TCF12: variants seen among roughly 807,000 people sequenced by gnomAD.
TCF12 encodes the protein DNA-binding protein HTF4.
Under a neutral mutation model 86.0 loss-of-function variants are expected in TCF12, and 45 were observed. That is an observed-to-expected ratio of 0.52 (90% CI 0.41 to 0.67). The LOEUF is 0.67. TCF12 is among the 30% of genes least tolerant of loss of function. The probability of loss-of-function intolerance (pLI) is 0.00; values close to 1 mark genes in which losing one functional copy is unlikely to be tolerated. For synonymous variants in TCF12, 330 were observed against 299.6 expected, an observed-to-expected ratio of 1.10 and a Z score of -1.05; for missense variants, 881 against 859.9, an observed-to-expected ratio of 1.02 and a Z score of -0.31.
At chr15:56,937,751 A>T (rs1214241081) in intron 3 of TCF12, among the ~76,000 whole-genome samples, 1 of 152,156 alleles carries the variant, frequency 6.6e-6, no homozygotes, top group African/African-American at 2.4e-5. Context: ...GATTTTAATC[A>T]TAAAAGAATG....
At chr15:56,958,866 TAAATAAGTAAAATA>T (rs1443008270) in intron 3 of TCF12, among the ~76,000 whole-genome samples, 1 of 151,898 alleles carries the variant, frequency 6.6e-6, no homozygotes, top group Admixed American at 6.6e-5. Context: ...ACCAAATAAA[TAAATAAGTAAAATA>T]AAATAAATTC....
chr15:57,224,594 C>T (rs1002088220), intron 8 of TCF12, among the ~76,000 whole-genome samples: 6 of 152,040 alleles, frequency 3.9e-5, no homozygotes, highest in African/African-American at 1.2e-4. Flanking sequence ...TGTATGAAAA[C>T]TAGAATTCAT....
chr15:56,948,968 C>G (rs529303264), intron 3 of TCF12, among the ~76,000 whole-genome samples: 2 of 151,716 alleles, frequency 1.3e-5, no homozygotes, highest in Admixed American at 1.3e-4. Flanking sequence ...CATGATTTCT[C>G]TTGATTCCAG....
chr15:56,967,716 G>A (rs2062073463), intron 3 of TCF12, among the ~76,000 whole-genome samples: 1 of 152,164 alleles, frequency 6.6e-6, no homozygotes, highest in Non-Finnish European at 1.5e-5. Context: ...GGATGGAGGG[G>A]CTGGGGTTGT....
At chr15:57,163,342 T>G (rs1322306172) in intron 5 of TCF12, among the ~76,000 whole-genome samples, 1 of 152,208 alleles carries the variant, frequency 6.6e-6, no homozygotes, top group Non-Finnish European at 1.5e-5. Flanking sequence ...CTAATTGACG[T>G]AGAAGTTTTA....
At chr15:57,053,580 C>T (rs183138221) in intron 3 of TCF12, among the ~76,000 whole-genome samples, 47 of 151,298 alleles carry the variant, frequency 3.1e-4, no homozygotes, top group Non-Finnish European at 6.5e-4. Flanking sequence ...GATCAGGCAC[C>T]GCAGAACAGA....
chr15:57,157,689 A>C (rs1364558162), intron 5 of TCF12, among the ~76,000 whole-genome samples: 1 of 151,610 alleles, frequency 6.6e-6, no homozygotes, highest in Non-Finnish European at 1.5e-5. Flanking sequence ...CAGCCTCCCG[A>C]GTAGCTGGGA....
chr15:57,286,016 G>A (rs995418706), intron 20 of TCF12, 141 bp from the exon 21 acceptor site: 4 of 152,366 alleles, frequency 2.6e-5, no homozygotes, highest in Non-Finnish European at 4.4e-5. Context: ...AAGTCACTTA[G>A]CAGACTACAA....
intron 3 of TCF12, among the ~76,000 whole-genome samples, chr15:56,968,930 G>C (rs1408355042): frequency 6.6e-6 from 1 of 152,196 alleles, no homozygotes; most frequent in Non-Finnish European, 1.5e-5. Flanking sequence ...GTAGATGAGA[G>C]ACAAAAGGTT....
chr15:57,022,975 T>C (rs1418561787), intron 3 of TCF12, among the ~76,000 whole-genome samples: 1 of 152,182 alleles, frequency 6.6e-6, no homozygotes, highest in Non-Finnish European at 1.5e-5. Context: ...AGTTGAATAA[T>C]GTACACAGCT....
intron 4 of TCF12, among the ~76,000 whole-genome samples, chr15:57,077,356 T>TATATATATTTTTTTTTTTTTTG: frequency 1.2e-5 from 1 of 84,228 alleles, no homozygotes; most frequent in Non-Finnish European, 2.3e-5. Context: ...TGTGTGTGTG[T>TATATATATTTTTTTTTTTTTTG]GTGTGTGTGT....
downstream of TCF12, among the ~76,000 whole-genome samples, chr15:57,290,508 C>G (rs1324674391): frequency 1.3e-5 from 2 of 152,042 alleles, no homozygotes; most frequent in Admixed American, 1.3e-4. Context: ...GGCAAGGAAT[C>G]AAAAGTAGAC....
At chr15:57,273,438 A>T (rs1273393057) in intron 19 of TCF12, among the ~76,000 whole-genome samples, 176 bp downstream of exon 19, 3 of 151,904 alleles carry the variant, frequency 2.0e-5, no homozygotes, top group Non-Finnish European at 2.9e-5. Flanking sequence ...GTATCACCCA[A>T]TATCTGTGGG....
intron 4 of TCF12, among the ~76,000 whole-genome samples, chr15:57,066,838 G>A: frequency 6.6e-6 from 1 of 152,084 alleles, no homozygotes; most frequent in Admixed American, 6.6e-5. Flanking sequence ...TTACTGTATG[G>A]GAATAGTTAC....
intron 13 of TCF12, among the ~76,000 whole-genome samples, chr15:57,248,271 T>G (rs145039897): frequency 6.6e-6 from 1 of 152,186 alleles, no homozygotes; most frequent in Non-Finnish European, 1.5e-5. Flanking sequence ...GGGCTAAGAA[T>G]AGAATTGCTC....
chr15:57,135,039 A>G (rs1415180637), intron 5 of TCF12, among the ~76,000 whole-genome samples: 1 of 152,184 alleles, frequency 6.6e-6, no homozygotes, highest in East Asian at 1.9e-4. Flanking sequence ...GCTGATTATA[A>G]CAAGTTTAAG....
Position 56,969,290 on chromosome 15 carries a change from G to A in TCF12, c.148+48192G>A, listed in dbSNP as rs898588809. Among the ~76,000 whole-genome samples, 3 of 152,110 alleles carry A rather than the reference G, an allele frequency of 2.0e-5. No homozygotes were observed. The South Asian group carries it at 6.2e-4, about 31-fold the overall frequency. On this transcript the variant is annotated intron_variant, in intron 3 of 20. Coordinates refer to ENST00000333725, the MANE Select transcript of TCF12 (RefSeq NM_207037.2). ...CATAAACTTCAGTAGGATCACTCTGGCTGCTGTGTAGAGAATAGGGTAGAA... is the reference window on the plus strand; with the variant it reads ...CATAAACTTCAGTAGGATCACTCTGACTGCTGTGTAGAGAATAGGGTAGAA...
intron 8 of TCF12, among the ~76,000 whole-genome samples, chr15:57,206,362 A>G (rs2057810198): frequency 6.6e-6 from 1 of 152,110 alleles, no homozygotes. Flanking sequence ...TTAGCCGGGC[A>G]TGGTGGTGCA....
chr15:56,968,343 C>G (rs1258211478), intron 3 of TCF12, among the ~76,000 whole-genome samples: 1 of 149,724 alleles, frequency 6.7e-6, no homozygotes, highest in Non-Finnish European at 1.5e-5. Flanking sequence ...TCCTTTGCAT[C>G]CATTCATATT....
Sources: allele counts gnomAD v4.1 joint callset (sites outside exome capture counted in the v4.1 genomes callset), GRCh38; gene constraint gnomAD v4.1.1; transcripts MANE v1.5; gene names NCBI Gene and HGNC (gene_info 2026-07-23, HGNC 2026-07-21).